The following ADAMTSL1 variants were observed in gnomAD, a reference collection of about 807,000 sequenced individuals.
ADAMTSL1 encodes the protein ADAMTS like 1.
In ADAMTSL1, 126 loss-of-function variants were observed where a neutral mutation model predicts 201.8. The observed-to-expected ratio is 0.62, with a 90% CI of 0.54 to 0.72. The LOEUF is 0.72. ADAMTSL1 is among the 30% of genes least tolerant of loss of function. The pLI, the probability that ADAMTSL1 is intolerant of heterozygous loss-of-function variation, is 0.00. For missense variants in ADAMTSL1, 2,679 were observed against 2,277.8 expected (o/e 1.18, Z -3.59); for synonymous variants, 1,121 against 903.4 (o/e 1.24, Z -4.32).
At chr9:18,643,602 G>A (rs908226229) in intron 7 of ADAMTSL1, among the ~76,000 whole-genome samples, 2 of 151,928 alleles carry the variant, frequency 1.3e-5, no homozygotes, top group South Asian at 2.1e-4. Context: ...TGTGAGATAC[G>A]GGTCTGATTT....
At chr9:18,498,856 A>G (rs1334931164) in intron 1 of ADAMTSL1, among the ~76,000 whole-genome samples, 1 of 152,228 alleles carries the variant, frequency 6.6e-6, no homozygotes, top group African/African-American at 2.4e-5. Context: ...AGGATTAAAT[A>G]CGATCATTTG....
At chr9:18,206,315 A>G (rs780428156) in intron 2 of ADAMTSL1, among the ~76,000 whole-genome samples, 29 of 152,106 alleles carry the variant, frequency 1.9e-4, no homozygotes, top group Non-Finnish European at 2.5e-4. Context: ...TTCTTAGAGC[A>G]GTACATGTGA....
intron 2 of ADAMTSL1, among the ~76,000 whole-genome samples, chr9:18,374,127 A>C (rs914016816): frequency 3.9e-4 from 59 of 152,162 alleles, no homozygotes; most frequent in African/African-American, 1.4e-3. Flanking sequence ...CAATTTTAAA[A>C]GCTATCCAAA....
At chr9:18,703,571 A>G (rs752643239) in intron 13 of ADAMTSL1, among the ~76,000 whole-genome samples, 7 of 151,808 alleles carry the variant, frequency 4.6e-5, no homozygotes, top group Non-Finnish European at 1.0e-4. Flanking sequence ...GGATTGGGAG[A>G]TAAGCCAGTG....
chr9:18,704,309 A>T (rs551237163), intron 13 of ADAMTSL1, among the ~76,000 whole-genome samples: 1 of 152,288 alleles, frequency 6.6e-6, no homozygotes, highest in Non-Finnish European at 1.5e-5. Flanking sequence ...TTATAGAAAA[A>T]GCTGGCCAGC....
At chr9:17,922,198 G>A (rs1488014252) in intron 1 of ADAMTSL1, among the ~76,000 whole-genome samples, 2 of 151,702 alleles carry the variant, frequency 1.3e-5, no homozygotes, top group African/African-American at 4.8e-5. Context: ...GCACTGGGAT[G>A]ATCTCTAAGT....
At chr9:18,441,691 T>C (rs888778296) in intron 2 of ADAMTSL1, among the ~76,000 whole-genome samples, 19 of 152,176 alleles carry the variant, frequency 1.2e-4, no homozygotes, top group East Asian at 5.8e-4. Flanking sequence ...CATTTTTTTT[T>C]CTATAATAGG....
chr9:18,338,374 C>G (rs529142156), intron 2 of ADAMTSL1, among the ~76,000 whole-genome samples: 1 of 152,204 alleles, frequency 6.6e-6, no homozygotes, highest in South Asian at 2.1e-4. Flanking sequence ...TTTTCTATTT[C>G]CATTCAGGTT....
chr9:18,434,993 G>T (rs917440348), intron 2 of ADAMTSL1, among the ~76,000 whole-genome samples: 3 of 152,210 alleles, frequency 2.0e-5, no homozygotes, highest in African/African-American at 7.2e-5. Context: ...AACACCTGGT[G>T]CAACATCTGG....
chr9:18,286,139 A>C (rs1477691811), intron 2 of ADAMTSL1, among the ~76,000 whole-genome samples: 1 of 152,128 alleles, frequency 6.6e-6, no homozygotes, highest in Non-Finnish European at 1.5e-5. Context: ...ACAGTACTCA[A>C]ATCAACCTTG....
intron 22 of ADAMTSL1, among the ~76,000 whole-genome samples, chr9:18,827,688 T>G (rs1824670107): frequency 1.3e-5 from 2 of 152,152 alleles, no homozygotes; most frequent in African/African-American, 2.4e-5. Context: ...CAGATGAAAG[T>G]CTAAGATGTA....
chr9:18,045,966 G>C (rs568427357), intron 1 of ADAMTSL1, among the ~76,000 whole-genome samples: 2 of 152,142 alleles, frequency 1.3e-5, no homozygotes, highest in Admixed American at 1.3e-4. Flanking sequence ...TGAAGAAGCC[G>C]TTTGTAATTA....
intron 7 of ADAMTSL1, 33 bp from the exon 8 acceptor site, chr9:18,657,606 A>C (rs555934579): frequency 2.6e-6 from 4 of 1,536,580 alleles, no homozygotes; most frequent in South Asian, 2.2e-5. Context: ...CCGCACTGTC[A>C]CATTACTTCT....
chr9:18,771,902 T>C (rs953430078), intron 17 of ADAMTSL1, among the ~76,000 whole-genome samples: 1 of 152,124 alleles, frequency 6.6e-6, no homozygotes, highest in Non-Finnish European at 1.5e-5. Context: ...TTCCATGAGA[T>C]GGTGCCTGCT....
At chr9:18,194,659 T>C (rs1373245296) in intron 2 of ADAMTSL1, among the ~76,000 whole-genome samples, 1 of 152,114 alleles carries the variant, frequency 6.6e-6, no homozygotes, top group Non-Finnish European at 1.5e-5. Flanking sequence ...GCAGTGTATA[T>C]GCCTCGTGGC....
At chr9:18,368,493 T>A (rs1836889504) in intron 2 of ADAMTSL1, among the ~76,000 whole-genome samples, 1 of 152,162 alleles carries the variant, frequency 6.6e-6, no homozygotes, top group Non-Finnish European at 1.5e-5. Flanking sequence ...TTAGACAGAT[T>A]TTTTTGTCAC....
intron 1 of ADAMTSL1, among the ~76,000 whole-genome samples, chr9:18,095,641 C>G (rs1311221681): frequency 3.9e-5 from 6 of 152,074 alleles, no homozygotes; most frequent in Admixed American, 3.3e-4. Context: ...CCAGGCTGGT[C>G]TCAAACTCCT....
At position 18,753,369 on chromosome 9, in the gene ADAMTSL1, G is replaced by C; in HGVS notation, c.2078G>C (p.Cys693Ser). The C allele has an allele frequency of 6.2e-7, 1 of 1,612,386 alleles. No individual in the cohort carries two copies. Among genetic ancestry groups the C allele is most frequent in the Non-Finnish European group, 8.5e-7 (1 of 1,179,314 alleles). ...GGCCTACAGACCAGAGACGTCTTCT[G>C]CAGCCACCTGCTTTCCAGAGAGATG... ...GVGLQTRDVF[C>S]SHLLSREMNE... Residue 693 changes from cysteine to serine, a missense_variant, in exon 16 of 29, where the codon TGC (cysteine) becomes TCC (serine). Cys to Ser is a moderately radical substitution (Grantham distance 112, BLOSUM62 -1). Coordinates refer to ENST00000380548, the MANE Select transcript of ADAMTSL1 (RefSeq NM_001040272.6).
chr9:18,196,424 T>A (rs1276536363), intron 2 of ADAMTSL1, among the ~76,000 whole-genome samples: 1 of 152,046 alleles, frequency 6.6e-6, no homozygotes, highest in African/African-American at 2.4e-5. Flanking sequence ...TATTCAGGCT[T>A]AATTGTAAAA....
Sources: gnomAD v4.1 joint callset for allele counts (sites outside exome capture counted in the v4.1 genomes callset) on GRCh38, gnomAD v4.1.1 for gene constraint, MANE v1.5 for transcripts, NCBI Gene and HGNC (gene_info 2026-07-23, HGNC 2026-07-21) for gene names.